The following ATP11B variants were observed in gnomAD, a reference collection of about 807,000 sequenced individuals.
ATP11B encodes the protein phospholipid-transporting ATPase IF.
Under a neutral mutation model 157.8 loss-of-function variants are expected in ATP11B, and 81 were observed. The ratio of observed to expected loss-of-function variants is 0.51; its 90% CI spans 0.43 to 0.62. The LOEUF is 0.62. ATP11B is among the 20% of genes least tolerant of loss of function. The pLI is 0.00. For synonymous variants in ATP11B, 451 were observed against 469.4 expected, an observed-to-expected ratio of 0.96 and a Z score of 0.51; for missense variants, 1,165 against 1,402.2, an observed-to-expected ratio of 0.83 and a Z score of 2.70.
intron 28 of ATP11B, among the ~76,000 whole-genome samples, chr3:182,898,976 TA>T (rs1188519651): frequency 3.3e-5 from 5 of 152,086 alleles, no homozygotes; most frequent in Non-Finnish European, 7.4e-5. Context: ...ACTGATAAGT[TA>T]TTTTTTTAAT....
chr3:182,816,913 G>A (rs1560061088), intron 1 of ATP11B, among the ~76,000 whole-genome samples: 1 of 152,092 alleles, frequency 6.6e-6, no homozygotes, highest in Non-Finnish European at 1.5e-5. Flanking sequence ...ATTTGTTGCA[G>A]CAAAGTTAAT....
At position 182,897,338 on chromosome 3, in the gene ATP11B, C is replaced by T. The variant is rs764829516; in HGVS notation, c.3084C>T (p.Asn1028=). 2.0e-5 allele frequency: 31 copies of T among 1,585,180 alleles called. No individual in the cohort carries two copies. In the East Asian group the frequency reaches 6.7e-4, roughly 34 times the overall value. The part of the protein sequence containing the change: ...ALETHFWTWI[N]HLVTWGSIIF... ...AAACTCATTTTTGGACTTGGATCAA[C>T]CATCTCGTTACCTGGGGATCTATTA... The change falls in exon 27 of 30, where the codon AAC becomes AAT. Residue 1028 remains asparagine (N), a synonymous_variant. Transcript: ENST00000323116.
At chr3:182,838,268 A>G (rs1293062941) in intron 7 of ATP11B, among the ~76,000 whole-genome samples, 1 of 152,028 alleles carries the variant, frequency 6.6e-6, no homozygotes, top group East Asian at 1.9e-4. Flanking sequence ...TTAACTGTGA[A>G]GAATTTTAAG....
chr3:182,802,560 A>G (rs73048897), intron 1 of ATP11B, among the ~76,000 whole-genome samples: 23,332 of 151,920 alleles, frequency 0.15, 2,394 homozygotes, highest in African/African-American at 0.3. Context: ...GACTGTTACT[A>G]CCTCTACCTG....
intron 23 of ATP11B, among the ~76,000 whole-genome samples, chr3:182,886,474 T>C (rs575667259): frequency 1.3e-5 from 2 of 152,036 alleles, no homozygotes; most frequent in South Asian, 4.1e-4. Context: ...GCACCTAGAG[T>C]ATATTGAAAA....
intron 10 of ATP11B, among the ~76,000 whole-genome samples, chr3:182,856,070 C>A (rs1720374585): frequency 6.6e-6 from 1 of 152,100 alleles, no homozygotes; most frequent in Non-Finnish European, 1.5e-5. Flanking sequence ...TGACACAAAA[C>A]CTCAAGCAGA....
intron 2 of ATP11B, among the ~76,000 whole-genome samples, chr3:182,827,678 AAACT>A (rs778949817): frequency 1.3e-5 from 2 of 151,496 alleles, no homozygotes; most frequent in Non-Finnish European, 2.9e-5. Flanking sequence ...CATACTAAAC[AAACT>A]ATTTCCTCTG....
In ATP11B at chr3:182,866,405, T is replaced by C. The variant is rs768540875; in HGVS notation, c.1581T>C (p.Ser527=). 5.6e-6 allele frequency: 9 copies of C among 1,612,370 alleles called. No individual in the cohort carries two copies. Among genetic ancestry groups the C allele is most frequent in the Middle Eastern group, 1.7e-4 (1 of 6,058 alleles). ...CATCGCAGTTGGAGTACTATGCATC[T>C]TCACCAGATGAAAAGGCTCTAGTAG... ...LAPSQLEYYA[S]SPDEKALVEA... is the part of the protein sequence containing the mutation. Residue 527 remains serine, a synonymous_variant, in exon 14 of 30, where the codon TCT becomes TCC. Transcript: ENST00000323116.
intron 25 of ATP11B, among the ~76,000 whole-genome samples, chr3:182,891,019 C>T (rs1363312068): frequency 6.6e-6 from 1 of 152,156 alleles, no homozygotes; most frequent in East Asian, 1.9e-4. Flanking sequence ...CACATGTACC[C>T]TAGAATTTAA....
intron 29 of ATP11B, chr3:182,915,832 TTCAC>T: frequency 1.0e-6 from 1 of 976,060 alleles, no homozygotes; most frequent in Non-Finnish European, 1.2e-6. Context: ...TATACTTCTT[TTCAC>T]TTAAAATTGC....
rs1383723127 is a variant in ATP11B at position 182,879,411 on chromosome 3, T to G, written c.2253-85T>G. Reference sequence around the variant, plus strand: ...GGGCTGTGGGTAAAAGATCCATCTTTCAGTAAGAATGTGTTGTTCTATATG... The same window carrying G: ...GGGCTGTGGGTAAAAGATCCATCTTGCAGTAAGAATGTGTTGTTCTATATG... On this transcript the variant is annotated intron_variant, in intron 19 of 29. Transcript: ENST00000323116. The G allele has an allele frequency of 2.5e-6, 3 of 1,178,264 alleles. No homozygotes were observed. The African/African-American group carries it at 4.7e-5, about 19-fold the overall frequency. 73.0% of individuals were successfully genotyped at this position (1,178,264 alleles called of 1,614,324 possible).
At position 182,920,602 on chromosome 3, in the gene ATP11B, T is replaced by C. The variant is rs1382587998; in HGVS notation, c.*2498T>C. On this transcript the variant is annotated 3_prime_UTR_variant, in exon 30 of 30. Coordinates refer to ENST00000323116, the MANE Select transcript of ATP11B (RefSeq NM_014616.3). Reference sequence around the variant, plus strand: ...AATACGTTATTGCTAATCAGTGGTCTCAAATCGATTTGCCTCCCTTTGCCT... The same window carrying C: ...AATACGTTATTGCTAATCAGTGGTCCCAAATCGATTTGCCTCCCTTTGCCT... 6.6e-6 allele frequency: 1 copy of C among 152,248 alleles called. No individual in the cohort carries two copies. Among genetic ancestry groups the C allele is most frequent in the Non-Finnish European group, 1.5e-5 (1 of 68,042 alleles). 9.4% of individuals were successfully genotyped at this position (152,248 alleles called of 1,614,324 possible).
intron 10 of ATP11B, among the ~76,000 whole-genome samples, chr3:182,857,394 G>A (rs1179608041): frequency 6.6e-6 from 1 of 152,006 alleles, no homozygotes; most frequent in Non-Finnish European, 1.5e-5. Context: ...TGATCCACCC[G>A]CCTCGGTCTC....
chr3:182,910,390 G>A (rs1033353219), intron 28 of ATP11B, among the ~76,000 whole-genome samples: 10 of 151,932 alleles, frequency 6.6e-5, no homozygotes, highest in Non-Finnish European at 1.2e-4. Flanking sequence ...AGCCTGGGCC[G>A]TATAGTAAGA....
chr3:182,815,229 T>A (rs898585294), intron 1 of ATP11B, among the ~76,000 whole-genome samples: 1 of 152,204 alleles, frequency 6.6e-6, no homozygotes, highest in African/African-American at 2.4e-5. Flanking sequence ...AAGTGAAAGT[T>A]ATGTAATACA....
chr3:182,914,809 T>A, intron 29 of ATP11B: 1 of 985,326 alleles, frequency 1.0e-6, no homozygotes. Flanking sequence ...TATCACTATT[T>A]AGAGGATGTT....
rs1327322310 is a variant in ATP11B, at chr3:182,815,926, G to A, written c.28-4334G>A. 2.6e-5 allele frequency among the ~76,000 whole-genome samples: 4 copies of A among 152,166 alleles called. No homozygotes were observed. The South Asian group carries it at 6.2e-4, about 24-fold the overall frequency. Reference sequence around the variant, plus strand: ...GATTCATTCCTAAGTATTGTTTTATGCCAGAGACCTCCTGCTAAAATTGAT... The same window carrying A: ...GATTCATTCCTAAGTATTGTTTTATACCAGAGACCTCCTGCTAAAATTGAT... On this transcript the variant is annotated intron_variant, in intron 1 of 29. Coordinates refer to ENST00000323116, the MANE Select transcript of ATP11B (RefSeq NM_014616.3).
At chr3:182,825,070 A>G (rs1391221088) in intron 2 of ATP11B, among the ~76,000 whole-genome samples, 2 of 152,166 alleles carry the variant, frequency 1.3e-5, no homozygotes, top group Admixed American at 6.5e-5. Flanking sequence ...CTCCCCTGTT[A>G]TTCTCTTGGT....
intron 25 of ATP11B, 79 bp downstream of exon 25, chr3:182,889,627 T>A: frequency 8.2e-7 from 1 of 1,226,610 alleles, no homozygotes; most frequent in Non-Finnish European, 1.1e-6. Context: ...AAGTAAAATT[T>A]AATTTAAATT....
Sources: allele counts gnomAD v4.1 joint callset (sites outside exome capture counted in the v4.1 genomes callset), GRCh38; gene constraint gnomAD v4.1.1; transcripts MANE v1.5; gene names NCBI Gene and HGNC (gene_info 2026-07-23, HGNC 2026-07-21).